NFATC2: variants seen among roughly 807,000 people sequenced by gnomAD.
NFATC2 encodes nuclear factor of activated T-cells, cytoplasmic 2.
NFATC2 carries 22 observed loss-of-function variants against 87.3 expected under a neutral mutation model. The observed-to-expected ratio is 0.25, with a 90% CI of 0.18 to 0.36. The LOEUF (loss-of-function observed/expected upper bound fraction) is 0.36, where lower values mean the gene tolerates loss of function less well. NFATC2 is among the 10% of genes least tolerant of loss of function. NFATC2 has a pLI of 1.00. For missense variants in NFATC2, 1,149 were observed against 1,259.1 expected, an observed-to-expected ratio of 0.91 and a Z score of 1.32; for synonymous variants, 565 against 542.2, an observed-to-expected ratio of 1.04 and a Z score of -0.58.
chr20:51,510,715 G>A (rs2076259790), intron 3 of NFATC2, among the ~76,000 whole-genome samples: 1 of 152,214 alleles, frequency 6.6e-6, no homozygotes, highest in African/African-American at 2.4e-5. Context: ...CTGAACTCCT[G>A]AGCTCAAGCA....
chr20:51,522,140 G>T, intron 2 of NFATC2, among the ~76,000 whole-genome samples: 1 of 152,114 alleles, frequency 6.6e-6, no homozygotes. Flanking sequence ...GGTATCCCAG[G>T]ATATCACTGC....
At chr20:51,441,111 G>C (rs228829) in intron 6 of NFATC2, among the ~76,000 whole-genome samples, 131,334 of 151,974 alleles carry the variant, frequency 0.86, 56,886 homozygotes, top group East Asian at 0.96. Context: ...GGCGAAACCC[G>C]ATCTCTACTA....
At chr20:51,502,175 T>A (rs1434549854) in intron 3 of NFATC2, among the ~76,000 whole-genome samples, 1 of 152,184 alleles carries the variant, frequency 6.6e-6, no homozygotes, top group Admixed American at 6.5e-5. Flanking sequence ...TCTAACACAA[T>A]GCCTGGTATG....
chr20:51,406,397 G>A (rs186481018), intron 9 of NFATC2, among the ~76,000 whole-genome samples: 81 of 152,230 alleles, frequency 5.3e-4, no homozygotes, highest in African/African-American at 1.7e-3. Flanking sequence ...TGTTGGCATC[G>A]TTGTTAGCTT....
chr20:51,542,332 C>A, intron 1 of NFATC2, 38 bp downstream of exon 1: 6 of 1,586,270 alleles, frequency 3.8e-6, no homozygotes, highest in Non-Finnish European at 5.1e-6. Context: ...GAGCCCCTGG[C>A]GGGCTCAGGG....
chr20:51,537,390 A>C (rs75721467), intron 1 of NFATC2, among the ~76,000 whole-genome samples: 9 of 152,162 alleles, frequency 5.9e-5, no homozygotes, highest in Non-Finnish European at 1.2e-4. Context: ...TGTGACCTCA[A>C]AAGTGTAAGG....
intron 9 of NFATC2, among the ~76,000 whole-genome samples, chr20:51,404,807 T>A (rs999993242): frequency 1.3e-5 from 2 of 152,168 alleles, no homozygotes; most frequent in Non-Finnish European, 2.9e-5. Context: ...CGCAGACAGC[T>A]TTGGGCCGGC....
At chr20:51,482,990 C>T (rs1337769522) in intron 3 of NFATC2, among the ~76,000 whole-genome samples, 2 of 152,204 alleles carry the variant, frequency 1.3e-5, no homozygotes, top group Non-Finnish European at 2.9e-5. Flanking sequence ...GGGGCATTCA[C>T]TATCAAGGTC....
intron 1 of NFATC2, among the ~76,000 whole-genome samples, chr20:51,532,646 A>G (rs950751584): frequency 1.3e-5 from 2 of 152,226 alleles, no homozygotes; most frequent in Admixed American, 1.3e-4. Context: ...GCAGACGGAC[A>G]CACAGCCAAG....
At chr20:51,505,005 T>C (rs1445892720) in intron 3 of NFATC2, among the ~76,000 whole-genome samples, 1 of 81,532 alleles carries the variant, frequency 1.2e-5, no homozygotes, top group Non-Finnish European at 2.3e-5. Context: ...GTTCCTTTTT[T>C]TTTTTTTTTT....
At chr20:51,454,154 G>C (rs560817815) in intron 6 of NFATC2, among the ~76,000 whole-genome samples, 1 of 152,286 alleles carries the variant, frequency 6.6e-6, no homozygotes, top group African/African-American at 2.4e-5. Flanking sequence ...CAAGCAAGCA[G>C]ATAACAAACC....
chr20:51,542,322 G>T, intron 1 of NFATC2, 48 bp downstream of exon 1: 1 of 1,579,852 alleles, frequency 6.3e-7, no homozygotes, highest in Middle Eastern at 1.7e-4. Context: ...CCCCAGGCCT[G>T]AGCCCCTGGC....
chr20:51,536,437 G>T (rs1189537939), intron 1 of NFATC2, among the ~76,000 whole-genome samples: 2 of 152,148 alleles, frequency 1.3e-5, no homozygotes, highest in Non-Finnish European at 1.5e-5. Context: ...GATCTCACTG[G>T]TCCAGGATGC....
intron 1 of NFATC2, among the ~76,000 whole-genome samples, chr20:51,552,232 G>A (rs116290408): frequency 0.025 from 3,769 of 151,526 alleles, 166 homozygotes; most frequent in African/African-American, 0.087. Flanking sequence ...AGCCGTGTTC[G>A]TGCCACTGCA....
intron 5 of NFATC2, among the ~76,000 whole-genome samples, chr20:51,461,360 CTTTTA>C (rs1200961662): frequency 1.3e-5 from 2 of 152,202 alleles, no homozygotes; most frequent in Non-Finnish European, 2.9e-5. Context: ...AGGCACCTTG[CTTTTA>C]AAGTCATCTT....
At chr20:51,464,816 G>A (rs999708402) in intron 5 of NFATC2, among the ~76,000 whole-genome samples, 7 of 152,336 alleles carry the variant, frequency 4.6e-5, no homozygotes, top group East Asian at 3.9e-4. Flanking sequence ...TTGATGCCCC[G>A]AGGCTCAGTG....
At chr20:51,400,697 C>T (rs752159554) in intron 9 of NFATC2, among the ~76,000 whole-genome samples, 1 of 152,196 alleles carries the variant, frequency 6.6e-6, no homozygotes, top group Non-Finnish European at 1.5e-5. Flanking sequence ...GGGACCAGGC[C>T]ACCGCCAAAC....
chr20:51,525,555 GGCCCCCC>G (rs2076530650), intron 1 of NFATC2, among the ~76,000 whole-genome samples: 1 of 73,626 alleles, frequency 1.4e-5, no homozygotes, highest in Non-Finnish European at 2.6e-5. Flanking sequence ...CCACCTCCAA[GGCCCCCC>G]ACCTCATCAG....
chr20:51,511,334 G>A (rs945841595), intron 3 of NFATC2, among the ~76,000 whole-genome samples: 15 of 152,158 alleles, frequency 9.9e-5, no homozygotes, highest in African/African-American at 3.6e-4. Context: ...AGAGAGAGGC[G>A]CATTGTTACT....
Sources: allele counts gnomAD v4.1 joint callset (sites outside exome capture counted in the v4.1 genomes callset), GRCh38; gene constraint gnomAD v4.1.1; transcripts MANE v1.5; gene names NCBI Gene and HGNC (gene_info 2026-07-23, HGNC 2026-07-21).